The following VPS13B variants were observed in gnomAD, a reference collection of about 807,000 sequenced individuals.
VPS13B encodes vacuolar protein sorting 13 homolog B.
A neutral mutation model predicts 426.4 loss-of-function variants in VPS13B; 285 were observed. The observed-to-expected ratio is 0.67, with a 90% confidence interval of 0.61 to 0.74. The LOEUF (loss-of-function observed/expected upper bound fraction) is 0.74. Ranked by LOEUF, VPS13B falls within the 30% of genes least tolerant of loss-of-function variation. The probability of loss-of-function intolerance (pLI) is 0.00; values close to 1 mark genes in which losing one functional copy is unlikely to be tolerated. For missense variants in VPS13B, 4,537 were observed against 4,782.6 expected (o/e 0.95, Z 1.51); for synonymous variants, 1,676 against 1,676.4 (o/e 1.00, Z 0.01).
intron 35 of VPS13B, among the ~76,000 whole-genome samples, chr8:99,698,437 C>G (rs983405279): frequency 4.6e-5 from 7 of 152,234 alleles, no homozygotes; most frequent in African/African-American, 1.7e-4. Flanking sequence ...ACAGCCCAGC[C>G]TCCTCGGGGC....
chr8:99,156,478 T>C, intron 14 of VPS13B, 71 bp from the exon 15 acceptor site: 1 of 1,472,330 alleles, frequency 6.8e-7, no homozygotes, highest in Non-Finnish European at 9.5e-7. Flanking sequence ...ATCTGAAGCT[T>C]GCATAGAGGG....
chr8:99,512,117 A>C (rs1478122080), intron 29 of VPS13B, among the ~76,000 whole-genome samples: 1 of 152,248 alleles, frequency 6.6e-6, no homozygotes, highest in East Asian at 1.9e-4. Context: ...TATTATACTT[A>C]ACAGATTCTT....
At chr8:99,581,716 G>T (rs1826069704) in intron 33 of VPS13B, among the ~76,000 whole-genome samples, 1 of 152,088 alleles carries the variant, frequency 6.6e-6, no homozygotes, top group Non-Finnish European at 1.5e-5. Flanking sequence ...AAAAATTTCA[G>T]ATTTTGGAGC....
chr8:99,867,033 C>T (rs1817143722), intron 58 of VPS13B, among the ~76,000 whole-genome samples: 1 of 152,152 alleles, frequency 6.6e-6, no homozygotes, highest in African/African-American at 2.4e-5. Flanking sequence ...CTGAATCTGT[C>T]AATGCATAAA....
chr8:99,413,441 T>C (rs1229244915), intron 21 of VPS13B, among the ~76,000 whole-genome samples: 1 of 152,198 alleles, frequency 6.6e-6, no homozygotes, highest in Admixed American at 6.5e-5. Flanking sequence ...TATTTGTTTC[T>C]TCTCTCTTAG....
chr8:99,213,981 C>T (rs1416987312), intron 17 of VPS13B, among the ~76,000 whole-genome samples: 1 of 152,034 alleles, frequency 6.6e-6, no homozygotes, highest in Non-Finnish European at 1.5e-5. Context: ...ATTACCAGAC[C>T]AATTTGGAGA....
rs555032098 is a variant in VPS13B at position 99,058,368 on chromosome 8, T to A, written c.291+19802T>A. Among the ~76,000 whole-genome samples the A allele has an allele frequency of 3.0e-3, 454 of 151,628 alleles. 2 individuals carry two copies. The highest frequency in any genetic ancestry group is 6.1e-3 in the Admixed American group (93 of 15,266). ...AAACCCTAAAATCTATCATTTATTT[T>A]AAATTATCCATAATATAATTATAAT... On this transcript the variant is annotated intron_variant, in intron 3 of 61. Transcript: ENST00000357162.
intron 25 of VPS13B, among the ~76,000 whole-genome samples, chr8:99,485,873 T>C (rs1820274400): frequency 6.6e-6 from 1 of 152,224 alleles, no homozygotes; most frequent in Non-Finnish European, 1.5e-5. Context: ...TTCTTTTATT[T>C]CTTAACATTT....
intron 35 of VPS13B, chr8:99,697,973 A>C: frequency 2.4e-6 from 1 of 409,294 alleles, no homozygotes. Context: ...AGAAGAGAAG[A>C]TGGAGGAGAA....
At chr8:99,799,869 A>T (rs904275514) in intron 43 of VPS13B, among the ~76,000 whole-genome samples, 4 of 152,222 alleles carry the variant, frequency 2.6e-5, no homozygotes, top group Non-Finnish European at 5.9e-5. Context: ...AAACAAACAA[A>T]ACCTGACAAT....
intron 33 of VPS13B, among the ~76,000 whole-genome samples, chr8:99,589,009 G>A (rs935924777): frequency 2.0e-5 from 3 of 151,654 alleles, no homozygotes; most frequent in Non-Finnish European, 4.4e-5. Context: ...TAGCATGAAG[G>A]GCTGTTGAAT....
intron 17 of VPS13B, among the ~76,000 whole-genome samples, chr8:99,266,405 CTG>C (rs902580343): frequency 2.3e-4 from 35 of 151,802 alleles, no homozygotes; most frequent in African/African-American, 8.0e-4. Context: ...GAGTGAGACT[CTG>C]TCTCTTAAAA....
At chr8:99,861,706 C>G in intron 57 of VPS13B, 70 bp from the exon 58 acceptor site, 3 of 1,550,668 alleles carry the variant, frequency 1.9e-6, no homozygotes, top group Non-Finnish European at 2.6e-6. Context: ...CCCGCTGCCT[C>G]TGAAACTACT....
intron 27 of VPS13B, among the ~76,000 whole-genome samples, chr8:99,505,911 T>G (rs1351513937): frequency 1.3e-5 from 2 of 152,212 alleles, no homozygotes; most frequent in Non-Finnish European, 2.9e-5. Context: ...TAATTGTTCA[T>G]GTATGGAGTA....
At chr8:99,490,749 C>T (rs572248588) in intron 25 of VPS13B, among the ~76,000 whole-genome samples, 30 of 152,066 alleles carry the variant, frequency 2.0e-4, no homozygotes, top group South Asian at 8.3e-4. Context: ...GTGGTGATAT[C>T]CCCTTTATTA....
chr8:99,501,884 C>T lies in VPS13B; in HGVS notation c.4042+26C>T, dbSNP rs373986248. The T allele has an allele frequency of 1.4e-4, 220 of 1,604,084 alleles. 2 individuals are homozygous for T. In the South Asian group the frequency reaches 2.3e-3, roughly 16 times the overall value. ...GTACAGGATTCCTTTTCTTTCTTCC[C>T]TCCCTCCCTCTGTCCCTCCCTCCCT... is the stretch of plus-strand genomic sequence containing the variant. On this transcript the variant is annotated intron_variant, in intron 26 of 61. Transcript: ENST00000357162.
intron 36 of VPS13B, among the ~76,000 whole-genome samples, chr8:99,708,214 T>G (rs1222115084): frequency 1.3e-5 from 2 of 152,134 alleles, no homozygotes; most frequent in Non-Finnish European, 2.9e-5. Flanking sequence ...AATCAAGTTA[T>G]ATTTTTCTAA....
In VPS13B at chr8:99,353,411, A is replaced by G. The variant is rs1288218668; in HGVS notation, c.2825-30797A>G. 6.6e-5 allele frequency among the ~76,000 whole-genome samples: 10 copies of G among 152,204 alleles called. No individual in the cohort carries two copies. In the South Asian group the frequency reaches 8.3e-4, roughly 13 times the overall value. On this transcript the variant is annotated intron_variant, in intron 19 of 61. Coordinates refer to ENST00000357162, the MANE Select transcript of VPS13B (RefSeq NM_152564.5). The stretch of plus-strand genomic sequence containing the variant: ...AACTTATGTGGTGAAACATTTAACC[A>G]TGTAGAGTTAGAAGAAACCTCAGTA...
chr8:99,174,820 G>A (rs993485872), intron 16 of VPS13B, among the ~76,000 whole-genome samples: 3 of 152,126 alleles, frequency 2.0e-5, no homozygotes, highest in Non-Finnish European at 4.4e-5. Flanking sequence ...GAATTTTAAG[G>A]AGAGAAAAAT....
Sources: allele counts gnomAD v4.1 joint callset (sites outside exome capture counted in the v4.1 genomes callset), GRCh38; gene constraint gnomAD v4.1.1; transcripts MANE v1.5; gene names NCBI Gene and HGNC (gene_info 2026-07-23, HGNC 2026-07-21).